The following PHC2 variants were observed in gnomAD, a reference collection of about 807,000 sequenced individuals.
PHC2 encodes polyhomeotic homolog 2.
PHC2 carries 29 observed loss-of-function variants against 87.4 expected under a neutral mutation model. The observed-to-expected ratio is 0.33, with a 90% CI of 0.25 to 0.45. The LOEUF is 0.45. Among genes scored for constraint, PHC2 ranks in the 20% least tolerant of loss-of-function variants. The pLI is 1.00. For synonymous variants in PHC2, 438 were observed against 461.7 expected, an observed-to-expected ratio of 0.95 and a Z score of 0.66; for missense variants, 857 against 1,136.7, an observed-to-expected ratio of 0.75 and a Z score of 3.54.
intron 14 of PHC2, among the ~76,000 whole-genome samples, chr1:33,327,751 A>G (rs1646402597): frequency 6.6e-6 from 1 of 152,214 alleles, no homozygotes; most frequent in African/African-American, 2.4e-5. Flanking sequence ...CATATAGACA[A>G]GAACCAAGGC....
rs1341136176 is a variant in PHC2 at position 33,364,431 on chromosome 1, A to C, written c.976+2685T>G. The stretch of plus-strand genomic sequence containing the variant: ...ACACACACACACACACACACGCTCA[A>C]GCACGCTCTTCTCTCCTGCTCTCAG... On this transcript the variant is annotated intron_variant, in intron 7 of 14. Coordinates refer to ENST00000683057, the MANE Select transcript of PHC2 (RefSeq NM_001385109.1). This position sits in a 1 kb window ranked among gnomAD's most constrained non-coding sequence, Gnocchi z 4.1. 7.1e-6 allele frequency among the ~76,000 whole-genome samples: 1 copy of C among 140,794 alleles called. No homozygotes were observed. The allele number at this position is 140,794 out of a possible 152,430, so 92.4% of individuals were successfully genotyped here.
At position 33,334,328 on chromosome 1, in the gene PHC2, G is replaced by T. The variant is rs752617898; in HGVS notation, c.1559-36C>A. The T allele has an allele frequency of 6.9e-6, 11 of 1,589,236 alleles. No individual in the cohort carries two copies. Among genetic ancestry groups the T allele is most frequent in the Non-Finnish European group, 9.5e-6 (11 of 1,159,566 alleles). Reference sequence around the variant, plus strand: ...GAGAGTAGGAAAACAAAGCAGGGGAGATCAGAACCAGAGTCCACGCCCAGG... The same window carrying T: ...GAGAGTAGGAAAACAAAGCAGGGGATATCAGAACCAGAGTCCACGCCCAGG... On this transcript the variant is annotated intron_variant, in intron 9 of 14. Transcript: ENST00000683057. The surrounding 1 kb of genome is among the most constrained non-coding windows in gnomAD (Gnocchi z 5.5).
chr1:33,418,143 C>T (rs1304788263), intron 1 of PHC2, among the ~76,000 whole-genome samples: 1 of 152,024 alleles, frequency 6.6e-6, no homozygotes, highest in African/African-American at 2.4e-5. Context: ...GATCTCAAAT[C>T]ATTAACCTCA....
In PHC2 at chr1:33,369,688, T is replaced by C. The variant is rs898955731; in HGVS notation, c.576+733A>G. 6.6e-6 allele frequency among the ~76,000 whole-genome samples: 1 copy of C among 152,050 alleles called. No homozygotes were observed. Among genetic ancestry groups the C allele is most frequent in the African/African-American group, 2.4e-5 (1 of 41,398 alleles). On this transcript the variant is annotated intron_variant, in intron 5 of 14. Coordinates refer to ENST00000683057, the MANE Select transcript of PHC2 (RefSeq NM_001385109.1). The surrounding 1 kb of genome is among the most constrained non-coding windows in gnomAD (Gnocchi z 4.7). ...TGGGACTGTGTTACTTTCGGGATAG[T>C]GTGTCAAGAGCCCGAAGGAGCAGAC...
intron 7 of PHC2, among the ~76,000 whole-genome samples, chr1:33,356,948 G>A (rs922526135): frequency 5.3e-5 from 8 of 152,224 alleles, no homozygotes; most frequent in African/African-American, 7.2e-5. Flanking sequence ...CGGACGGGGC[G>A]AAAATTCTTA....
At chr1:33,412,875 G>C (rs560067857) in intron 1 of PHC2, among the ~76,000 whole-genome samples, 42 of 152,308 alleles carry the variant, frequency 2.8e-4, no homozygotes, top group African/African-American at 1.0e-3. Flanking sequence ...ACAAGCCAAA[G>C]TAAAGGCTGG....
At chr1:33,405,232 C>T (rs180675866) in intron 1 of PHC2, among the ~76,000 whole-genome samples, 1 of 151,324 alleles carries the variant, frequency 6.6e-6, no homozygotes, top group Admixed American at 6.6e-5. Context: ...TCTGTGTCGC[C>T]CAGGCTGGAA....
At chr1:33,372,573 C>A (rs959893948) in intron 2 of PHC2, 126 bp from the exon 3 acceptor site, 8 of 628,546 alleles carry the variant, frequency 1.3e-5, no homozygotes, top group Middle Eastern at 5.2e-4. Flanking sequence ...CTGTGACCAC[C>A]ACCACAGCCA....
intron 9 of PHC2, chr1:33,346,487 T>C: frequency 1.0e-6 from 1 of 985,340 alleles, no homozygotes; most frequent in Non-Finnish European, 1.2e-6. Context: ...AGAGAATCTT[T>C]CTATGGCTGG....
At chr1:33,388,081 A>G (rs1648851842) in intron 1 of PHC2, among the ~76,000 whole-genome samples, 1 of 152,232 alleles carries the variant, frequency 6.6e-6, no homozygotes, top group South Asian at 2.1e-4. Flanking sequence ...ATACAAAACA[A>G]AAACAACTGT....
At chr1:33,345,209 A>G (rs1157305741) in intron 9 of PHC2, 1 of 152,206 alleles carries the variant, frequency 6.6e-6, no homozygotes, top group African/African-American at 2.4e-5. Context: ...CATGGCATCT[A>G]ATAGTCATCT....
chr1:33,370,573 C>G lies in PHC2; in HGVS notation c.424G>C (p.Ala142Pro). The change falls in exon 5 of 15, where the codon GCC becomes CCC. Residue 142 changes from alanine to proline, a missense_variant. Around this residue, in one of 3 missense-constraint regions of PHC2, gnomAD observed 832 missense variants for 1,081.8 expected, o/e 0.77. Transcript: ENST00000683057. ...AGGAGCTGGGCTGCTGCTGGGGAGG[C>G]TGCCAGGTTGATCTAATGAGAGAGA... ...PAQSSSINLA[A>P]SPAAAQLLNR... The G allele has an allele frequency of 6.2e-7, 1 of 1,612,664 alleles. No homozygotes were observed. Among genetic ancestry groups the G allele is most frequent in the African/African-American group, 1.3e-5 (1 of 75,034 alleles).
chr1:33,420,615 CTCTT>C (rs1390925769), intron 1 of PHC2, among the ~76,000 whole-genome samples: 1 of 151,820 alleles, frequency 6.6e-6, no homozygotes, highest in Non-Finnish European at 1.5e-5. Context: ...GTTATTTCAC[CTCTT>C]TTTTTTTTCT....
Position 33,331,541 on chromosome 1 carries a change from CT to C in PHC2, c.1892-80del. ...TGGCCAGCCCCACCACGGGGCCTCC[CT>C]ACTCCATCCTGCCTGGTCCTCCTGC... On this transcript the variant is annotated intron_variant, in intron 11 of 14. Coordinates refer to ENST00000683057, the MANE Select transcript of PHC2 (RefSeq NM_001385109.1). This position sits in a 1 kb window ranked among gnomAD's most constrained non-coding sequence, Gnocchi z 5.2. 1.3e-6 allele frequency: 1 copy of C among 769,490 alleles called. No homozygotes were observed. Among genetic ancestry groups the C allele is most frequent in the Non-Finnish European group, 2.3e-6 (1 of 437,086 alleles). 47.7% of individuals were successfully genotyped at this position (769,490 alleles called of 1,614,324 possible). A position where few individuals can be genotyped will look rare whatever the true frequency, so the allele number is the denominator to read the frequency against.
At chr1:33,367,701 G>A (rs1570490603) in intron 6 of PHC2, among the ~76,000 whole-genome samples, 1 of 152,106 alleles carries the variant, frequency 6.6e-6, no homozygotes, top group African/African-American at 2.4e-5. Context: ...CAGGGGTGGG[G>A]AGGCCAGGCT....
intron 1 of PHC2, among the ~76,000 whole-genome samples, chr1:33,414,220 A>ACACGC (rs1411308736): frequency 1.2e-4 from 14 of 120,782 alleles, no homozygotes; most frequent in African/African-American, 4.3e-4. Context: ...CACACACACA[A>ACACGC]GAAAGGTTAA....
chr1:33,336,297 A>G (rs1351364243), intron 9 of PHC2, among the ~76,000 whole-genome samples: 1 of 152,122 alleles, frequency 6.6e-6, no homozygotes, highest in Non-Finnish European at 1.5e-5. Context: ...CCTCAAGCTC[A>G]TGTTCTTACT....
chr1:33,401,560 A>C (rs1053873528), intron 1 of PHC2, among the ~76,000 whole-genome samples: 4 of 152,224 alleles, frequency 2.6e-5, no homozygotes, highest in Non-Finnish European at 5.9e-5. Flanking sequence ...TGGAAGCTTG[A>C]AACTGGTCAT....
At chr1:33,347,551 A>G (rs2148254602) in intron 9 of PHC2, 1 of 985,458 alleles carries the variant, frequency 1.0e-6, no homozygotes, top group Non-Finnish European at 1.2e-6. Flanking sequence ...GCCACATGTC[A>G]GTAAAGAACA....
Sources: allele counts gnomAD v4.1 joint callset (sites outside exome capture counted in the v4.1 genomes callset), GRCh38; gene constraint gnomAD v4.1.1; regional missense constraint gnomAD v4.1.1; non-coding constraint Gnocchi (gnomAD v3.1); transcripts MANE v1.5; gene names NCBI Gene and HGNC (gene_info 2026-07-23, HGNC 2026-07-21).